NDUFAF2: variants seen among roughly 807,000 people sequenced by gnomAD.
NDUFAF2 encodes NADH:ubiquinone oxidoreductase complex assembly factor 2.
NDUFAF2 carries 13 observed loss-of-function variants against 22.8 expected under a neutral mutation model. That is an observed-to-expected ratio of 0.57 (90% CI 0.37 to 0.91). The LOEUF is 0.91. NDUFAF2 is among the 40% of genes least tolerant of loss of function. The pLI, the probability that NDUFAF2 is intolerant of heterozygous loss-of-function variation, is 0.01. For synonymous variants in NDUFAF2, 53 were observed against 64.2 expected (o/e 0.83, Z 0.84); for missense variants, 162 against 195.2 (o/e 0.83, Z 1.01).
intron 1 of NDUFAF2, among the ~76,000 whole-genome samples, chr5:61,061,896 C>T (rs1752169572): frequency 6.6e-6 from 1 of 152,198 alleles, no homozygotes; most frequent in African/African-American, 2.4e-5. Context: ...GCAGTCAGTA[C>T]CACAAACTCC....
chr5:60,969,649 A>G (rs138446608), intron 1 of NDUFAF2, among the ~76,000 whole-genome samples: 2 of 152,112 alleles, frequency 1.3e-5, no homozygotes, highest in Non-Finnish European at 2.9e-5. Context: ...GTAGTGTGCA[A>G]ATATTTTTCA....
intron 3 of NDUFAF2, among the ~76,000 whole-genome samples, chr5:61,103,794 C>T (rs977409001): frequency 3.3e-5 from 5 of 152,002 alleles, no homozygotes; most frequent in South Asian, 4.2e-4. Context: ...CCAGTGAAGG[C>T]GGTCCCTTAC....
intron 1 of NDUFAF2, among the ~76,000 whole-genome samples, chr5:61,068,050 T>G (rs1752252416): frequency 6.6e-6 from 1 of 152,178 alleles, no homozygotes; most frequent in East Asian, 1.9e-4. Flanking sequence ...AGTGAGATTT[T>G]TAAGTGTTTA....
At chr5:61,152,347 C>T (rs2111838267) in intron 3 of NDUFAF2, among the ~76,000 whole-genome samples, 1 of 151,452 alleles carries the variant, frequency 6.6e-6, no homozygotes. Context: ...AAAGTACAGT[C>T]ACTGAGTTTT....
chr5:61,096,663 C>T (rs1752644676), intron 2 of NDUFAF2, among the ~76,000 whole-genome samples: 1 of 149,200 alleles, frequency 6.7e-6, no homozygotes, highest in African/African-American at 2.5e-5. Flanking sequence ...GGAGTAAAAG[C>T]TAATAGAAAC....
chr5:61,114,449 A>G lies in NDUFAF2; in HGVS notation c.258+15417A>G, dbSNP rs201114264. ...GAATTCCTCCTCTGTGTTATCTTGA[A>G]TTTCATTGAGCTTCCTCAAAATAGC... is the stretch of plus-strand genomic sequence containing the variant. On this transcript the variant is annotated intron_variant, in intron 3 of 3. Transcript: ENST00000296597. 7.2e-5 allele frequency: 11 copies of G among 152,224 alleles called. No individual in the cohort carries two copies. The East Asian group carries it at 2.1e-3, about 29-fold the overall frequency. The allele number at this position is 152,224 out of a possible 1,614,324, so 9.4% of individuals were successfully genotyped here. A position where few individuals can be genotyped will look rare whatever the true frequency, so the allele number is the denominator to read the frequency against.
At chr5:61,023,930 G>T (rs998310392) in intron 1 of NDUFAF2, among the ~76,000 whole-genome samples, 1 of 152,182 alleles carries the variant, frequency 6.6e-6, no homozygotes, top group African/African-American at 2.4e-5. Context: ...AGCCCTTAAA[G>T]CCTAGAGCTG....
chr5:60,997,324 C>G (rs1751240304), intron 1 of NDUFAF2, among the ~76,000 whole-genome samples: 1 of 152,096 alleles, frequency 6.6e-6, no homozygotes, highest in Admixed American at 6.5e-5. Context: ...AGTATTCTTA[C>G]AACTGTATAT....
chr5:61,065,135 C>G (rs1344072963), intron 1 of NDUFAF2, among the ~76,000 whole-genome samples: 1 of 151,898 alleles, frequency 6.6e-6, no homozygotes, highest in African/African-American at 2.4e-5. Context: ...AAAATACAAC[C>G]TACCAAGATT....
rs112648325 is a variant in NDUFAF2 at position 61,058,066 on chromosome 5, C to T, written c.128-15059C>T. Among the ~76,000 whole-genome samples, 1,339 of 152,170 alleles carry T rather than the reference C, an allele frequency of 8.8e-3. 22 individuals carry two copies. The highest frequency in any genetic ancestry group is 0.031 in the African/African-American group (1,280 of 41,540). ...GAATTAGTAACAGTAGATAACAGTA[C>T]GGTCTTTGACTCTTTTATGGTCTGT... On this transcript the variant is annotated intron_variant, in intron 1 of 3. Transcript: ENST00000296597.
At chr5:61,110,062 A>G (rs1256001903) in intron 3 of NDUFAF2, among the ~76,000 whole-genome samples, 2 of 152,158 alleles carry the variant, frequency 1.3e-5, no homozygotes, top group Non-Finnish European at 2.9e-5. Context: ...TCCAGCATCA[A>G]TTGAATGATC....
chr5:60,967,059 C>G (rs1270369499), intron 1 of NDUFAF2, among the ~76,000 whole-genome samples: 1 of 151,828 alleles, frequency 6.6e-6, no homozygotes, highest in East Asian at 1.9e-4. Flanking sequence ...GATTTTTCAC[C>G]TCCTTGGCGA....
chr5:60,974,604 C>T (rs372779533), intron 1 of NDUFAF2, among the ~76,000 whole-genome samples: 71 of 152,046 alleles, frequency 4.7e-4, no homozygotes, highest in Middle Eastern at 3.4e-3. Context: ...CCACCCTCCT[C>T]GCATCCCAAA....
At chr5:61,003,539 G>T (rs1395435492) in intron 1 of NDUFAF2, among the ~76,000 whole-genome samples, 1 of 151,502 alleles carries the variant, frequency 6.6e-6, no homozygotes, top group Non-Finnish European at 1.5e-5. Context: ...AATTTTTATG[G>T]CAGTCCCCTA....
chr5:60,982,473 T>C (rs1243354564), intron 1 of NDUFAF2, among the ~76,000 whole-genome samples: 1 of 152,074 alleles, frequency 6.6e-6, no homozygotes, highest in Non-Finnish European at 1.5e-5. Context: ...TATGTATATA[T>C]GTGCCATGTT....
chr5:60,974,805 GTTTA>G (rs928791807), intron 1 of NDUFAF2, among the ~76,000 whole-genome samples: 58 of 151,826 alleles, frequency 3.8e-4, no homozygotes, highest in Admixed American at 1.8e-3. Context: ...TTGTTTGTTT[GTTTA>G]TTTGTTTATT....
chr5:60,957,540 C>T (rs1750633283), intron 1 of NDUFAF2, among the ~76,000 whole-genome samples: 5 of 150,580 alleles, frequency 3.3e-5, no homozygotes, highest in South Asian at 4.2e-4. Flanking sequence ...TAGATTCTCC[C>T]TTTATCTTTT....
At chr5:60,988,636 A>G (rs1247036869) in intron 1 of NDUFAF2, among the ~76,000 whole-genome samples, 1 of 152,114 alleles carries the variant, frequency 6.6e-6, no homozygotes, top group Non-Finnish European at 1.5e-5. Context: ...CACACCTACA[A>G]CCATCTGATC....
chr5:61,088,712 A>T (rs566381775), intron 2 of NDUFAF2, among the ~76,000 whole-genome samples: 1 of 152,266 alleles, frequency 6.6e-6, no homozygotes, highest in African/African-American at 2.4e-5. Flanking sequence ...AAAGTCAATA[A>T]TTGGAAAATG....
Sources: gnomAD v4.1 joint callset for allele counts (sites outside exome capture counted in the v4.1 genomes callset) on GRCh38, gnomAD v4.1.1 for gene constraint, MANE v1.5 for transcripts, NCBI Gene and HGNC (gene_info 2026-07-23, HGNC 2026-07-21) for gene names.